The following GALNT13 variants were observed in gnomAD, a reference collection of about 807,000 sequenced individuals.
GALNT13 encodes the protein UDP-GalNAc:polypeptide N-acetylgalactosaminyltransferase 13.
Under a neutral mutation model 64.2 loss-of-function variants are expected in GALNT13, and 28 were observed. The ratio of observed to expected loss-of-function variants is 0.44; its 90% CI spans 0.32 to 0.60. The LOEUF is 0.60. GALNT13 is among the 20% of genes least tolerant of loss of function. GALNT13 has a pLI of 0.05. For missense variants in GALNT13, 577 were observed against 669.8 expected (o/e 0.86, Z 1.53); for synonymous variants, 214 against 224.6 (o/e 0.95, Z 0.42).
the GALNT13 span, among the ~76,000 whole-genome samples, chr2:153,562,335 C>A: frequency 0.41 from 62,453 of 151,606 alleles, 13,187 homozygotes; most frequent in Middle Eastern, 0.47. Context: ...TAGCTAGTAA[C>A]ATTTTCATTC....
Position 154,384,437 on chromosome 2 carries a change from T to C in GALNT13, c.1157-11554T>C, listed in dbSNP as rs1698413231. 3.9e-5 allele frequency among the ~76,000 whole-genome samples: 6 copies of C among 151,966 alleles called. 1 individual carries two copies. Among genetic ancestry groups the C allele is most frequent in the Admixed American group, 3.3e-4 (5 of 15,236 alleles). On this transcript the variant is annotated intron_variant, in intron 9 of 12. Transcript: ENST00000392825. The stretch of plus-strand genomic sequence containing the variant: ...TAAATAATTAAAGAATAAATATATT[T>C]CATCTAATTTAGACTGCCATCAATT...
At chr2:153,982,003 A>G (rs1413584802) in intron 3 of GALNT13, among the ~76,000 whole-genome samples, 4 of 152,062 alleles carry the variant, frequency 2.6e-5, no homozygotes. Context: ...TGAAGGGCAA[A>G]TAATTACCAC....
the GALNT13 span, among the ~76,000 whole-genome samples, chr2:153,614,618 A>G: frequency 3.9e-5 from 6 of 152,176 alleles, no homozygotes; most frequent in South Asian, 4.1e-4. Flanking sequence ...CTTTTTTTCT[A>G]CTTTCCTATA....
the GALNT13 span, among the ~76,000 whole-genome samples, chr2:153,844,470 C>T: frequency 6.6e-6 from 1 of 152,224 alleles, no homozygotes. Flanking sequence ...CAAAATCATT[C>T]TTCCCTACCT....
the GALNT13 span, chr2:153,421,905 A>T: frequency 3.2e-5 from 6 of 186,800 alleles, no homozygotes; most frequent in African/African-American, 1.4e-4. Flanking sequence ...TCCCGGCAGC[A>T]TTGCCAATCC....
the GALNT13 span, among the ~76,000 whole-genome samples, chr2:153,108,873 G>GA: frequency 9.2e-5 from 14 of 152,108 alleles, no homozygotes; most frequent in Non-Finnish European, 1.9e-4. Flanking sequence ...CTAACCATGT[G>GA]CTGATATAAA....
At chr2:154,364,570 C>T (rs1273343645) in intron 9 of GALNT13, among the ~76,000 whole-genome samples, 1 of 152,222 alleles carries the variant, frequency 6.6e-6, no homozygotes, top group Non-Finnish European at 1.5e-5. Flanking sequence ...GGTTATCTAA[C>T]ACAGTATTTT....
intron 1 of GALNT13, among the ~76,000 whole-genome samples, chr2:153,890,278 G>T (rs1377633210): frequency 6.6e-6 from 1 of 151,890 alleles, no homozygotes; most frequent in African/African-American, 2.4e-5. Flanking sequence ...TTTAGTAAAT[G>T]TGTTCATATT....
At chr2:153,837,913 C>G in the GALNT13 span, among the ~76,000 whole-genome samples, 2 of 151,948 alleles carry the variant, frequency 1.3e-5, no homozygotes, top group African/African-American at 2.4e-5. Context: ...TTCCTTTTCT[C>G]CAATCCTCAC....
the GALNT13 span, among the ~76,000 whole-genome samples, chr2:153,384,016 A>G: frequency 6.6e-6 from 1 of 152,152 alleles, no homozygotes; most frequent in African/African-American, 2.4e-5. Context: ...CAGAACTTTG[A>G]AAAGAAGTTG....
At chr2:153,550,307 T>C in the GALNT13 span, among the ~76,000 whole-genome samples, 13 of 151,806 alleles carry the variant, frequency 8.6e-5, no homozygotes, top group Admixed American at 3.3e-4. Context: ...CCATCTCGGC[T>C]CACTGCAACC....
the GALNT13 span, among the ~76,000 whole-genome samples, chr2:153,765,888 A>G: frequency 6.6e-6 from 1 of 152,130 alleles, no homozygotes; most frequent in Admixed American, 6.6e-5. Context: ...CCCCCTTCAC[A>G]AATTCTCTTG....
At chr2:154,274,527 TG>T (rs1226094311) in intron 8 of GALNT13, among the ~76,000 whole-genome samples, 6 of 152,172 alleles carry the variant, frequency 3.9e-5, no homozygotes, top group South Asian at 2.1e-4. Context: ...AGTTTAATCA[TG>T]GGGGTGGTTA....
the GALNT13 span, among the ~76,000 whole-genome samples, chr2:153,218,052 A>G: frequency 4.6e-3 from 708 of 152,258 alleles, 5 homozygotes; most frequent in African/African-American, 0.016. Context: ...ACCTTGATAG[A>G]ATCATAGGCT....
chr2:153,313,703 A>C, the GALNT13 span, among the ~76,000 whole-genome samples: 2 of 152,224 alleles, frequency 1.3e-5, no homozygotes, highest in Non-Finnish European at 2.9e-5. Flanking sequence ...TTAAAAGTTA[A>C]AAAAAGAATT....
chr2:154,022,804 A>G (rs1473524019), intron 3 of GALNT13, among the ~76,000 whole-genome samples: 2 of 149,644 alleles, frequency 1.3e-5, no homozygotes, highest in African/African-American at 2.4e-5. Flanking sequence ...TCAATTTGGG[A>G]TCTTTCCTGC....
chr2:153,545,864 A>T, the GALNT13 span, among the ~76,000 whole-genome samples: 1 of 152,204 alleles, frequency 6.6e-6, no homozygotes, highest in African/African-American at 2.4e-5. Context: ...TGCCTAGCTC[A>T]ACTTTTCTGC....
chr2:153,860,922 A>G, the GALNT13 span, among the ~76,000 whole-genome samples: 1 of 152,170 alleles, frequency 6.6e-6, no homozygotes, highest in Non-Finnish European at 1.5e-5. Context: ...CTCTCATAGT[A>G]CCAATGTTTA....
At chr2:153,602,180 A>G in the GALNT13 span, among the ~76,000 whole-genome samples, 2 of 151,866 alleles carry the variant, frequency 1.3e-5, no homozygotes, top group African/African-American at 4.8e-5. Context: ...ATCATGCTTT[A>G]TGTTTCCAGT....
Sources: allele counts gnomAD v4.1 joint callset (sites outside exome capture counted in the v4.1 genomes callset), GRCh38; gene constraint gnomAD v4.1.1; transcripts MANE v1.5; gene names NCBI Gene and HGNC (gene_info 2026-07-23, HGNC 2026-07-21).